The following NCSTN variants were observed in gnomAD, a reference collection of about 807,000 sequenced individuals.
The protein encoded by NCSTN is nicastrin.
Under a neutral mutation model 87.0 loss-of-function variants are expected in NCSTN, and 22 were observed. The observed-to-expected ratio is 0.25, with a 90% CI of 0.18 to 0.36. NCSTN has a LOEUF of 0.36. Among genes scored for constraint, NCSTN ranks in the 10% least tolerant of loss-of-function variants. NCSTN has a pLI of 1.00. For missense variants in NCSTN, 693 were observed against 883.3 expected, an observed-to-expected ratio of 0.78 and a Z score of 2.73; for synonymous variants, 306 against 327.1, an observed-to-expected ratio of 0.94 and a Z score of 0.69.
intron 9 of NCSTN, 77 bp from the exon 10 acceptor site, chr1:160,353,082 TC>T: frequency 6.3e-7 from 1 of 1,579,794 alleles, no homozygotes; most frequent in South Asian, 1.1e-5. Context: ...CACCGCCTCT[TC>T]CCTTGACTTC....
At chr1:160,356,484 T>C in intron 14 of NCSTN, 116 bp from the exon 15 acceptor site, 1 of 1,465,594 alleles carries the variant, frequency 6.8e-7, no homozygotes. Flanking sequence ...TTTCTTCTCA[T>C]ATTTGATGGA....
chr1:160,344,556 G>C lies in NCSTN; in HGVS notation c.86-166G>C, dbSNP rs1319281628. ...TGGGTGCCATGTAGAACATGTATCT[G>C]TTACGATAAGTGTGTGCCCAAGAAA... is the stretch of plus-strand genomic sequence containing the variant. On this transcript the variant is annotated intron_variant, in intron 1 of 16. Coordinates refer to ENST00000294785, the MANE Select transcript of NCSTN (RefSeq NM_015331.3). 13 of 1,550,660 alleles carry C rather than the reference G, an allele frequency of 8.4e-6. No homozygotes were observed. The East Asian group carries it at 2.9e-4, about 35-fold the overall frequency.
chr1:160,348,575 A>G lies in NCSTN; in HGVS notation c.191-424A>G, dbSNP rs527372420. The stretch of plus-strand genomic sequence containing the variant: ...GGCAAAAGGAATGACGATCCAGGAA[A>G]GCTCCTGAGGCCAAGGGCATGTATG... On this transcript the variant is annotated intron_variant, in intron 2 of 16. Transcript: ENST00000294785. 4.6e-5 allele frequency among the ~76,000 whole-genome samples: 7 copies of G among 152,350 alleles called. No individual in the cohort carries two copies. In the South Asian group the frequency reaches 1.4e-3, roughly 32 times the overall value.
rs1187374015 is a variant in NCSTN, at chr1:160,357,220, C to G, written c.1974C>G (p.Ala658=). Residue 658 remains alanine (A), a synonymous_variant, in exon 16 of 17, where the codon GCC becomes GCG. Transcript: ENST00000294785. ...AGAGCCGCTGGAAAGATATCCGTGC[C>G]CGGATATTTCTCATCGCCAGCAAAG... ...WTESRWKDIR[A]RIFLIASKEL... is the part of the protein sequence containing the mutation. 1 of 1,614,020 alleles carries G rather than the reference C, an allele frequency of 6.2e-7. No individual in the cohort carries two copies. Among genetic ancestry groups the G allele is most frequent in the Non-Finnish European group, 8.5e-7 (1 of 1,179,986 alleles).
At chr1:160,350,019 A>G (rs949895496) in intron 4 of NCSTN, 86 bp from the exon 5 acceptor site, 47 of 1,506,836 alleles carry the variant, frequency 3.1e-5, no homozygotes, top group South Asian at 2.3e-5. Flanking sequence ...CTTAGTCCCA[A>G]CTGAAAGATT....
At chr1:160,353,388 T>C in intron 10 of NCSTN, 151 bp downstream of exon 10, 4 of 1,527,918 alleles carry the variant, frequency 2.6e-6, no homozygotes, top group Non-Finnish European at 3.5e-6. Flanking sequence ...ACACCACAGC[T>C]GTTGTTGCTG....
chr1:160,344,444 C>A, intron 1 of NCSTN: 1 of 1,482,220 alleles, frequency 6.7e-7, no homozygotes, highest in Non-Finnish European at 8.9e-7. Flanking sequence ...AGGTCAAACA[C>A]CTTTCCTTTG....
Position 160,358,412 on chromosome 1 carries a change from C to G in NCSTN, c.*141C>G. On this transcript the variant is annotated 3_prime_UTR_variant, in exon 17 of 17. Transcript: ENST00000294785. Reference sequence around the variant, plus strand: ...ATTAACATAAAAGAGTGGAACTATCCAAAAGAGACAGGGAGAAATAAATAA... The same window carrying G: ...ATTAACATAAAAGAGTGGAACTATCGAAAAGAGACAGGGAGAAATAAATAA... The G allele has an allele frequency of 9.1e-7, 1 of 1,101,056 alleles. No individual in the cohort carries two copies. The highest frequency in any genetic ancestry group is 1.3e-5 in the South Asian group (1 of 77,108). The allele number at this position is 1,101,056 out of a possible 1,614,324, so 68.2% of individuals were successfully genotyped here. A position where few individuals can be genotyped will look rare whatever the true frequency, so the allele number is the denominator to read the frequency against.
chr1:160,351,619 A>C, intron 6 of NCSTN, 77 bp from the exon 7 acceptor site: 7 of 1,385,006 alleles, frequency 5.1e-6, no homozygotes, highest in Non-Finnish European at 7.2e-6. Context: ...GGCACTGGTC[A>C]GAGATTTCCA....
intron 1 of NCSTN, 38 bp from the exon 2 acceptor site, chr1:160,344,684 C>G (rs1481923864): frequency 6.2e-7 from 1 of 1,609,296 alleles, no homozygotes; most frequent in South Asian, 1.1e-5. Flanking sequence ...GTACCTGTGT[C>G]TCTCAAATTT....
intron 2 of NCSTN, 176 bp downstream of exon 2, chr1:160,345,002 A>G: frequency 8.8e-6 from 6 of 682,342 alleles, no homozygotes; most frequent in Non-Finnish European, 1.6e-5. Context: ...AACATTTAGT[A>G]AATGCTGCAT....
rs771294357 is a variant in NCSTN at position 160,351,389 on chromosome 1, C to T, written c.733+17C>T. Reference sequence around the variant, plus strand: ...TCAACCCAGGTAGGGCAGATCCGAACCATGAGGGTAATGGAATAAGGGGCA... The same window carrying T: ...TCAACCCAGGTAGGGCAGATCCGAATCATGAGGGTAATGGAATAAGGGGCA... On this transcript the variant is annotated intron_variant, in intron 6 of 16. Transcript: ENST00000294785. The T allele has an allele frequency of 6.2e-6, 10 of 1,613,390 alleles. No homozygotes were observed. In the East Asian group the frequency reaches 8.9e-5, roughly 14 times the overall value.
Position 160,353,230 on chromosome 1 carries a change from G to A in NCSTN, c.1172G>A (p.Arg391Gln), listed in dbSNP as rs374951668. ...DPVSQKNESV[R>Q]NQVEDLLATL... is the part of the protein sequence containing the mutation. ...GTTTCTCAGAAAAATGAGTCTGTACGGAACCAGGTAACCTGAGCATCTCCC... is the reference window on the plus strand; with the variant it reads ...GTTTCTCAGAAAAATGAGTCTGTACAGAACCAGGTAACCTGAGCATCTCCC... The change falls in exon 10 of 17, where the codon CGG (arginine) becomes CAG (glutamine). Residue 391 changes from arginine to glutamine, a missense_variant. By Grantham distance (43) the Arg-to-Gln change is conservative. Transcript: ENST00000294785. 21 of 1,613,920 alleles carry A rather than the reference G, an allele frequency of 1.3e-5. No homozygotes were observed. Among genetic ancestry groups the A allele is most frequent in the Admixed American group, 5.0e-5 (3 of 60,000 alleles).
Position 160,357,065 on chromosome 1 carries a change from G to A in NCSTN, c.1819G>A (p.Gly607Ser). 6.2e-7 allele frequency: 1 copy of A among 1,613,948 alleles called. No homozygotes were observed. The highest frequency in any genetic ancestry group is 1.1e-5 in the South Asian group (1 of 91,054). ...KDLYEYSWVQ[G>S]PLHSNETDRL... ...GCTGTATGAGTACTCATGGGTCCAG[G>A]GCCCTTTGCATTCTAATGAGACGGA... is the stretch of plus-strand genomic sequence containing the variant. Residue 607 changes from glycine (G) to serine (S), a missense_variant, in exon 16 of 17, where the codon GGC (glycine) becomes AGC (serine). Around this residue, in one of 4 missense-constraint regions of NCSTN, gnomAD observed 216 missense variants for 311.7 expected, o/e 0.69. Coordinates refer to ENST00000294785, the MANE Select transcript of NCSTN (RefSeq NM_015331.3).
intron 2 of NCSTN, among the ~76,000 whole-genome samples, chr1:160,347,894 ATGAGCCACTGTG>A (rs1334177834): frequency 1.1e-4 from 17 of 152,230 alleles, no homozygotes; most frequent in Non-Finnish European, 1.8e-4. Context: ...GATTACAGGC[ATGAGCCACTGTG>A]CCCGGCCGAA....
rs1310902694 is a variant in NCSTN at position 160,349,553 on chromosome 1, T to G, written c.319T>G (p.Leu107Val). 2 of 1,614,172 alleles carry G rather than the reference T, an allele frequency of 1.2e-6. No individual in the cohort carries two copies. The highest frequency in any genetic ancestry group is 1.7e-6 in the Non-Finnish European group (2 of 1,180,024). Residue 107 changes from leucine to valine, a missense_variant, in exon 4 of 17, where the codon TTA (leucine) becomes GTA (valine). Physicochemically the swap from Leu to Val is conservative, Grantham distance 32. Coordinates refer to ENST00000294785, the MANE Select transcript of NCSTN (RefSeq NM_015331.3). ...GGAATTCCTTTCCTATTCCAGGGAT[T>G]TAATGGAGAAGCTGAAAGGGAGAAC... The part of the protein sequence containing the change: ...LLESKHFTRD[L>V]MEKLKGRTSR...
rs567141377 is a variant in NCSTN at position 160,350,097 on chromosome 1, C to G, written c.437-8C>G. On this transcript the variant is annotated splice_region_variant and splice_polypyrimidine_tract_variant and intron_variant, in intron 4 of 16. Coordinates refer to ENST00000294785, the MANE Select transcript of NCSTN (RefSeq NM_015331.3). ...ACCAGTCCCCCTATTCCCCATCCTT[C>G]CCTTCAGGTGTTTACTCCAATTCCT... is the stretch of plus-strand genomic sequence containing the variant. The G allele has an allele frequency of 1.1e-5, 17 of 1,613,834 alleles. No individual in the cohort carries two copies. The East Asian group carries it at 3.6e-4, about 34-fold the overall frequency.
intron 3 of NCSTN, among the ~76,000 whole-genome samples, chr1:160,349,334 G>A (rs1466950221): frequency 1.3e-5 from 2 of 152,144 alleles, no homozygotes; most frequent in Non-Finnish European, 2.9e-5. Context: ...GTAACCCTGG[G>A]CATCCCTCCC....
chr1:160,344,551 T>C, intron 1 of NCSTN, 171 bp from the exon 2 acceptor site: 1 of 1,550,666 alleles, frequency 6.4e-7, no homozygotes, highest in Non-Finnish European at 8.7e-7. Context: ...GTAGAACATG[T>C]ATCTGTTACG....
Sources: allele counts gnomAD v4.1 joint callset (sites outside exome capture counted in the v4.1 genomes callset), GRCh38; gene constraint gnomAD v4.1.1; regional missense constraint gnomAD v4.1.1; transcripts MANE v1.5; gene names NCBI Gene and HGNC (gene_info 2026-07-23, HGNC 2026-07-21).